The following BMPER variants were observed in gnomAD, a reference collection of about 807,000 sequenced individuals.
BMPER encodes BMP-binding endothelial regulator protein.
In BMPER, 45 loss-of-function variants were observed where a neutral mutation model predicts 87.3. The observed-to-expected ratio is 0.52, with a 90% CI of 0.41 to 0.66. BMPER has a LOEUF of 0.66. BMPER is among the 30% of genes least tolerant of loss of function. The pLI is 0.00. For synonymous variants in BMPER, 326 were observed against 316.2 expected (o/e 1.03, Z -0.33); for missense variants, 784 against 867.5 (o/e 0.90, Z 1.21).
intron 9 of BMPER, among the ~76,000 whole-genome samples, chr7:34,057,178 T>C (rs1788308138): frequency 6.6e-6 from 1 of 152,220 alleles, no homozygotes. Context: ...AACAAAAATC[T>C]GCTGCTTGGA....
At chr7:34,098,778 G>A (rs955783044) in intron 13 of BMPER, among the ~76,000 whole-genome samples, 4 of 152,122 alleles carry the variant, frequency 2.6e-5, no homozygotes, top group African/African-American at 4.8e-5. Context: ...AAGCCAGGGA[G>A]GAAGGATATT....
chr7:33,983,506 GGTACATATA>G (rs1402612107), intron 6 of BMPER, among the ~76,000 whole-genome samples: 1 of 152,114 alleles, frequency 6.6e-6, no homozygotes, highest in African/African-American at 2.4e-5. Context: ...CCCTGTGCCA[GGTACATATA>G]GTATATAATG....
At chr7:34,110,688 G>A (rs1411704513) in intron 13 of BMPER, among the ~76,000 whole-genome samples, 1 of 152,152 alleles carries the variant, frequency 6.6e-6, no homozygotes, top group Non-Finnish European at 1.5e-5. Context: ...TCTGGGAAGG[G>A]TTTTCTATGG....
chr7:34,043,706 G>C (rs1382971758), intron 6 of BMPER, among the ~76,000 whole-genome samples: 2 of 152,122 alleles, frequency 1.3e-5, no homozygotes, highest in African/African-American at 2.4e-5. Context: ...CCCAGGATAT[G>C]ATAGGCCTTA....
At chr7:33,922,002 C>T (rs981748424) in intron 2 of BMPER, 3 of 367,994 alleles carry the variant, frequency 8.2e-6, no homozygotes, top group African/African-American at 2.1e-5. Context: ...GTCCCTTCCT[C>T]GTGCAGAATA....
intron 13 of BMPER, among the ~76,000 whole-genome samples, chr7:34,097,650 C>T (rs1440996400): frequency 5.9e-5 from 9 of 152,058 alleles, no homozygotes; most frequent in Non-Finnish European, 1.2e-4. Flanking sequence ...AACAAGTTCC[C>T]AGGTTGATGC....
intron 14 of BMPER, among the ~76,000 whole-genome samples, chr7:34,146,688 A>C (rs1791032168): frequency 6.6e-6 from 1 of 152,162 alleles, no homozygotes; most frequent in South Asian, 2.1e-4. Context: ...TAATTTGCTG[A>C]AAGTCACAGA....
chr7:33,943,953 T>C (rs1784824100), intron 3 of BMPER, among the ~76,000 whole-genome samples: 1 of 152,178 alleles, frequency 6.6e-6, no homozygotes, highest in South Asian at 2.1e-4. Flanking sequence ...TGCTGTTGTG[T>C]TTTCTACAAT....
intron 6 of BMPER, among the ~76,000 whole-genome samples, chr7:34,024,945 G>T (rs995085448): frequency 2.0e-5 from 3 of 152,010 alleles, no homozygotes; most frequent in African/African-American, 7.2e-5. Context: ...AGAAACTTGG[G>T]CTTAGAGTTT....
intron 13 of BMPER, among the ~76,000 whole-genome samples, chr7:34,120,284 G>A (rs1282238930): frequency 6.6e-6 from 1 of 151,958 alleles, no homozygotes; most frequent in Middle Eastern, 3.2e-3. Context: ...TGACCACTCA[G>A]ACTCCAAAAG....
intron 7 of BMPER, among the ~76,000 whole-genome samples, chr7:34,049,963 G>A (rs1394663086): frequency 6.6e-6 from 1 of 152,178 alleles, no homozygotes; most frequent in Non-Finnish European, 1.5e-5. Context: ...TTAGACAGAA[G>A]TGATTATAAT....
intron 6 of BMPER, among the ~76,000 whole-genome samples, chr7:34,034,814 G>A (rs1372714731): frequency 6.6e-6 from 1 of 152,182 alleles, no homozygotes; most frequent in Non-Finnish European, 1.5e-5. Context: ...GTTGGTGATA[G>A]CATGTTCCTT....
At chr7:34,059,170 C>G (rs909325267) in intron 10 of BMPER, among the ~76,000 whole-genome samples, 6 of 152,146 alleles carry the variant, frequency 3.9e-5, no homozygotes, top group Non-Finnish European at 8.8e-5. Context: ...AAAATGGGAT[C>G]ACATCATTAT....
At chr7:34,014,710 G>T (rs1786974269) in intron 6 of BMPER, among the ~76,000 whole-genome samples, 1 of 151,862 alleles carries the variant, frequency 6.6e-6, no homozygotes, top group South Asian at 2.1e-4. Context: ...GGGGAATTGA[G>T]GTTGTAAGTA....
At chr7:33,937,213 A>G (rs1784623923) in intron 2 of BMPER, 76 bp from the exon 3 acceptor site, 2 of 1,476,114 alleles carry the variant, frequency 1.4e-6, no homozygotes, top group Non-Finnish European at 1.9e-6. Flanking sequence ...GGCTCGGGAA[A>G]CCTCTGTGGT....
intron 6 of BMPER, among the ~76,000 whole-genome samples, chr7:34,005,078 G>A (rs895224067): frequency 6.6e-6 from 1 of 152,130 alleles, no homozygotes; most frequent in African/African-American, 2.4e-5. Context: ...ATGCACTGGG[G>A]TTAGGACAGA....
At chr7:34,013,292 GT>G (rs1195442545) in intron 6 of BMPER, among the ~76,000 whole-genome samples, 1 of 151,366 alleles carries the variant, frequency 6.6e-6, no homozygotes, top group East Asian at 2.0e-4. Context: ...CTTCTGTCCT[GT>G]CCCCCACTCA....
rs185811584 is a variant in BMPER, at chr7:34,038,707, T to C, written c.577-7599T>C. On this transcript the variant is annotated intron_variant, in intron 6 of 14. Coordinates refer to ENST00000649409, the MANE Select transcript of BMPER (RefSeq NM_001365308.1). The stretch of plus-strand genomic sequence containing the variant: ...GTGAAGTACAAAAGGGTTTTTGTTT[T>C]TGTCAGCCCCATAGACCCTTTCTCA... Among the ~76,000 whole-genome samples the C allele has an allele frequency of 1.3e-3, 195 of 152,302 alleles. 1 individual carries two copies. Among genetic ancestry groups the C allele is most frequent in the African/African-American group, 4.6e-3 (190 of 41,564 alleles).
chr7:34,138,476 C>G (rs1454533628), intron 13 of BMPER, among the ~76,000 whole-genome samples: 1 of 152,224 alleles, frequency 6.6e-6, no homozygotes, highest in African/African-American at 2.4e-5. Flanking sequence ...TGCAGCAGCT[C>G]TGGGCCTTCT....
Sources: allele counts gnomAD v4.1 joint callset (sites outside exome capture counted in the v4.1 genomes callset), GRCh38; gene constraint gnomAD v4.1.1; transcripts MANE v1.5; gene names NCBI Gene and HGNC (gene_info 2026-07-23, HGNC 2026-07-21).